Variants in TJP1 observed in about 807,000 individuals in gnomAD.
TJP1 encodes tight junction protein 1.
In TJP1, 43 loss-of-function variants were observed where a neutral mutation model predicts 194.2. That is an observed-to-expected ratio of 0.22 (90% confidence interval 0.17 to 0.29). The LOEUF (loss-of-function observed/expected upper bound fraction) is 0.29. Ranked by LOEUF, TJP1 falls within the 10% of genes least tolerant of loss-of-function variation. TJP1 has a pLI of 1.00. For synonymous variants in TJP1, 801 were observed against 779.0 expected (o/e 1.03, Z -0.47); for missense variants, 1,971 against 2,185.7 (o/e 0.90, Z 1.96).
At chr15:29,818,266 G>C (rs2050073182) in intron 1 of TJP1, among the ~76,000 whole-genome samples, 1 of 152,156 alleles carries the variant, frequency 6.6e-6, no homozygotes, top group African/African-American at 2.4e-5. Context: ...AAAACAGCTT[G>C]AAAACACAGA....
intron 2 of TJP1, among the ~76,000 whole-genome samples, chr15:29,922,239 T>C (rs932661394): frequency 1.3e-5 from 2 of 152,144 alleles, no homozygotes; most frequent in Admixed American, 6.5e-5. Flanking sequence ...TCCCAGCACT[T>C]TGGGAGGCTG....
At chr15:29,950,239 C>A (rs2055687488) in intron 2 of TJP1, among the ~76,000 whole-genome samples, 1 of 148,668 alleles carries the variant, frequency 6.7e-6, no homozygotes, top group Admixed American at 6.7e-5. Context: ...CCACCACCAC[C>A]ACCTCCTTCA....
At chr15:29,876,917 T>C (rs2052722528) in intron 2 of TJP1, among the ~76,000 whole-genome samples, 1 of 152,172 alleles carries the variant, frequency 6.6e-6, no homozygotes, top group South Asian at 2.1e-4. Flanking sequence ...CCTAAGTGCA[T>C]ACAACACACA....
intron 7 of TJP1, 22 bp downstream of exon 7, chr15:29,761,579 G>T (rs372314959): frequency 5.7e-6 from 9 of 1,577,490 alleles, no homozygotes; most frequent in Non-Finnish European, 7.8e-6. Context: ...TAGAGGGAAC[G>T]TTCAAACAGA....
At chr15:29,792,249 G>A (rs1041921363) in intron 2 of TJP1, among the ~76,000 whole-genome samples, 4 of 152,098 alleles carry the variant, frequency 2.6e-5, no homozygotes, top group Admixed American at 6.5e-5. Context: ...ATAACTTCAG[G>A]TGCTTAATCC....
intron 8 of TJP1, 97 bp downstream of exon 8, chr15:29,761,042 A>G: frequency 1.5e-6 from 2 of 1,363,042 alleles, no homozygotes; most frequent in Non-Finnish European, 1.9e-6. Flanking sequence ...GAATAATCAA[A>G]AGAAATACAT....
At position 29,868,225 on chromosome 15, in the gene TJP1, G is replaced by GA. The variant is rs999244892; in HGVS notation, c.307-67524dup. Reference sequence around the variant, plus strand: ...ACAGAGTGAGACCCTCTCTCAAAAGGAAAAAATCAGCGGCAATAGCTCCTA... The same window carrying GA: ...ACAGAGTGAGACCCTCTCTCAAAAGGAAAAAAATCAGCGGCAATAGCTCCTA... On this transcript the variant is annotated intron_variant, in intron 2 of 28. Transcript: ENST00000356107. 9.9e-5 allele frequency among the ~76,000 whole-genome samples: 15 copies of GA among 152,178 alleles called. 1 individual carries two copies. Among genetic ancestry groups the GA allele is most frequent in the African/African-American group, 2.9e-4 (12 of 41,524 alleles).
chr15:29,722,570 T>G (rs1313649107), intron 18 of TJP1, among the ~76,000 whole-genome samples: 3 of 152,150 alleles, frequency 2.0e-5, no homozygotes, highest in Admixed American at 2.0e-4. Flanking sequence ...GGAGCCCTCA[T>G]GGAGCACCTC....
chr15:29,831,849 G>A (rs1015337574), intron 2 of TJP1, among the ~76,000 whole-genome samples: 4 of 152,212 alleles, frequency 2.6e-5, no homozygotes, highest in African/African-American at 9.6e-5. Context: ...ATAAAAAATA[G>A]AGGCAGCAAA....
intron 2 of TJP1, among the ~76,000 whole-genome samples, chr15:29,950,156 A>ACCACCACAACCACTACCT (rs1567228192): frequency 9.9e-6 from 1 of 101,464 alleles, no homozygotes; most frequent in African/African-American, 4.2e-5. Context: ...CACCACCTCC[A>ACCACCACAACCACTACCT]CCACCACCAC....
At chr15:29,874,528 T>C (rs2052632524) in intron 2 of TJP1, among the ~76,000 whole-genome samples, 2 of 152,100 alleles carry the variant, frequency 1.3e-5, no homozygotes, top group African/African-American at 2.4e-5. Flanking sequence ...ATCTACCCCA[T>C]TATGAAATAG....
chr15:29,820,560 C>T (rs756533447), intron 1 of TJP1: 4 of 716,722 alleles, frequency 5.6e-6, no homozygotes, highest in Non-Finnish European at 1.0e-5. Context: ...ACGTATTTCT[C>T]TCCATACTTG....
intron 23 of TJP1, among the ~76,000 whole-genome samples, chr15:29,711,391 G>T (rs1170718446): frequency 2.0e-5 from 3 of 151,960 alleles, no homozygotes; most frequent in African/African-American, 7.2e-5. Flanking sequence ...TTTGAGACAG[G>T]GTCTCATTCT....
At chr15:29,871,816 G>C (rs2052535125) in intron 2 of TJP1, among the ~76,000 whole-genome samples, 1 of 152,336 alleles carries the variant, frequency 6.6e-6, no homozygotes, top group African/African-American at 2.4e-5. Context: ...CAAAGCAACA[G>C]ATAACTGAAC....
At chr15:29,816,379 A>G (rs1050584359) in intron 1 of TJP1, among the ~76,000 whole-genome samples, 95 of 152,200 alleles carry the variant, frequency 6.2e-4, no homozygotes, top group African/African-American at 1.6e-3. Flanking sequence ...CCTGGGGGGG[A>G]AGAACACCAC....
intron 2 of TJP1, among the ~76,000 whole-genome samples, chr15:29,784,595 C>T (rs2047579381): frequency 6.6e-6 from 1 of 152,112 alleles, no homozygotes; most frequent in African/African-American, 2.4e-5. Context: ...TCACCGTACC[C>T]AGCCGAGTCA....
chr15:29,949,252 C>CTCCACTACT (rs1292492396), intron 2 of TJP1, among the ~76,000 whole-genome samples: 1 of 114,896 alleles, frequency 8.7e-6, no homozygotes, highest in Non-Finnish European at 1.7e-5. Context: ...CCTTCACCAC[C>CTCCACTACT]ACCTCCACCA....
At chr15:29,761,560 T>G (rs545341607) in intron 7 of TJP1, 41 bp downstream of exon 7, 7 of 1,551,506 alleles carry the variant, frequency 4.5e-6, no homozygotes, top group Non-Finnish European at 6.1e-6. Context: ...TTTAAGAAAA[T>G]AGGTCACTTA....
At chr15:29,741,726 C>T (rs910994026) in intron 9 of TJP1, among the ~76,000 whole-genome samples, 5 of 152,118 alleles carry the variant, frequency 3.3e-5, no homozygotes, top group African/African-American at 1.2e-4. Flanking sequence ...CTACACTTCC[C>T]AGTTAAGACT....
Sources: gnomAD v4.1 joint callset for allele counts (sites outside exome capture counted in the v4.1 genomes callset) on GRCh38, gnomAD v4.1.1 for gene constraint, MANE v1.5 for transcripts, NCBI Gene and HGNC (gene_info 2026-07-23, HGNC 2026-07-21) for gene names.